NRBP1: variants seen among roughly 807,000 people sequenced by gnomAD.
The protein encoded by NRBP1 is nuclear receptor binding protein 1, also known as nuclear receptor-binding protein.
In NRBP1, 10 loss-of-function variants were observed where a neutral mutation model predicts 76.0. The ratio of observed to expected loss-of-function variants is 0.13; its 90% confidence interval spans 0.08 to 0.22. NRBP1 has a LOEUF of 0.22. Among genes scored for constraint, NRBP1 ranks in the 10% least tolerant of loss-of-function variants. The pLI is 1.00. For synonymous variants in NRBP1, 235 were observed against 240.2 expected (o/e 0.98, Z 0.20); for missense variants, 344 against 646.0 (o/e 0.53, Z 5.07).
intron 1 of NRBP1, among the ~76,000 whole-genome samples, chr2:27,432,237 G>A (rs2148445576): frequency 6.6e-6 from 1 of 152,344 alleles, no homozygotes; most frequent in African/African-American, 2.4e-5. Flanking sequence ...TGCCAAGAAG[G>A]AATGGAGCAC....
chr2:27,440,325 AC>A (rs1664486736), intron 11 of NRBP1, 77 bp from the exon 12 acceptor site: 1 of 991,260 alleles, frequency 1.0e-6, no homozygotes, highest in Non-Finnish European at 1.6e-6. Flanking sequence ...GGGATTCTTT[AC>A]CCCTTTGCCT....
At chr2:27,430,299 T>C (rs1664054076) in intron 1 of NRBP1, among the ~76,000 whole-genome samples, 1 of 152,144 alleles carries the variant, frequency 6.6e-6, no homozygotes. Context: ...TGAGTTGAGT[T>C]AAACGTAGTG....
Position 27,441,790 on chromosome 2 carries a change from C to A in NRBP1, c.1586C>A (p.Ala529Asp). The A allele has an allele frequency of 6.2e-7, 1 of 1,612,232 alleles. No individual in the cohort carries two copies. Among genetic ancestry groups the A allele is most frequent in the African/African-American group, 1.3e-5 (1 of 75,012 alleles). ...GCCAGGAACAGTACCCTCAACTCAG[C>A]CGCTGTCACCGTCTCCTCTTAGAGC... The part of the protein sequence containing the change: ...NFARNSTLNS[A>D]AVTVSS The change falls in exon 18 of 18, where the codon GCC (alanine) becomes GAC (aspartate). Residue 529 changes from alanine (A) to aspartate (D), a missense_variant. Ala to Asp is a moderately radical substitution (Grantham distance 126). Transcript: ENST00000379852.
At chr2:27,435,315 C>A in intron 7 of NRBP1, 88 bp downstream of exon 7, 2 of 1,123,648 alleles carry the variant, frequency 1.8e-6, no homozygotes, top group South Asian at 1.4e-5. Context: ...GATAACAGAG[C>A]AAAATTCTGA....
In NRBP1 at chr2:27,437,081, C is replaced by T. The variant is rs145038434; in HGVS notation, c.780C>T (p.Tyr260=). ...VTNVTTAVDI[Y]SFGMCALEMA... ...ATGTGACAACAGCAGTGGACATCTACTCCTTTGGCATGTGTGCACTGGAGG... is the reference window on the plus strand; with the variant it reads ...ATGTGACAACAGCAGTGGACATCTATTCCTTTGGCATGTGTGCACTGGAGG... Residue 260 remains tyrosine, a synonymous_variant, in exon 9 of 18, where the codon TAC becomes TAT. Transcript: ENST00000379852. 3.5e-5 allele frequency: 57 copies of T among 1,613,738 alleles called. No individual in the cohort carries two copies. The African/African-American group carries it at 6.5e-4, about 19-fold the overall frequency.
intron 10 of NRBP1, among the ~76,000 whole-genome samples, chr2:27,438,394 CAT>C (rs1398627528): frequency 3.9e-5 from 6 of 152,094 alleles, no homozygotes; most frequent in Non-Finnish European, 8.8e-5. Flanking sequence ...ATTTAAAAGA[CAT>C]AAGGTTATGA....
chr2:27,435,696 G>A (rs771218686), intron 7 of NRBP1: 14 of 717,438 alleles, frequency 2.0e-5, no homozygotes, highest in South Asian at 4.4e-5. Context: ...CCTCCCTCCC[G>A]CTTACGGGCT....
chr2:27,441,950 C>G lies in NRBP1; in HGVS notation c.*138C>G. 1.6e-6 allele frequency: 1 copy of G among 641,724 alleles called. No homozygotes were observed. The highest frequency in any genetic ancestry group is 2.8e-6 in the Non-Finnish European group (1 of 360,618). 39.8% of individuals were successfully genotyped at this position (641,724 alleles called of 1,614,324 possible). On this transcript the variant is annotated 3_prime_UTR_variant, in exon 18 of 18. Coordinates refer to ENST00000379852, the MANE Select transcript of NRBP1 (RefSeq NM_013392.4). ...ATTATTCAGGAGGGCTGGGGGGGCT[C>G]CCTGGTTCTGAGCATCATCCTTTCC...
chr2:27,430,389 G>A (rs1426804437), intron 1 of NRBP1, among the ~76,000 whole-genome samples: 5 of 151,746 alleles, frequency 3.3e-5, no homozygotes, highest in African/African-American at 4.8e-5. Context: ...AGATTGGTGT[G>A]TTGACTGGAG....
At chr2:27,436,722 G>T in intron 7 of NRBP1, 31 bp from the exon 8 acceptor site, 2 of 1,583,788 alleles carry the variant, frequency 1.3e-6, no homozygotes, top group Non-Finnish European at 1.7e-6. Flanking sequence ...ATTGATGATG[G>T]TCAGATTGTG....
intron 10 of NRBP1, among the ~76,000 whole-genome samples, chr2:27,438,423 T>C (rs543774312): frequency 3.2e-4 from 49 of 152,202 alleles, no homozygotes; most frequent in Non-Finnish European, 6.5e-4. Flanking sequence ...TGATAGACTA[T>C]AGTAAGCAGA....
intron 11 of NRBP1, 122 bp downstream of exon 11, chr2:27,440,020 T>C (rs1236273995): frequency 4.5e-6 from 3 of 662,478 alleles, no homozygotes; most frequent in Admixed American, 4.5e-5. Flanking sequence ...TTTTTTTTTT[T>C]TTTTTTTTTT....
rs929423472 is a variant in NRBP1 at position 27,434,509 on chromosome 2, G to C, written c.474G>C (p.Leu158=). 1.2e-5 allele frequency: 20 copies of C among 1,614,034 alleles called. No individual in the cohort carries two copies. Among genetic ancestry groups the C allele is most frequent in the Non-Finnish European group, 1.6e-5 (19 of 1,179,988 alleles). Reference sequence around the variant, plus strand: ...CAGAATACATGTCATCTGGGAGTCTGAAGCAATTTCTGAAGAAGACCAAAA... The same window carrying C: ...CAGAATACATGTCATCTGGGAGTCTCAAGCAATTTCTGAAGAAGACCAAAA... ...FITEYMSSGS[L]KQFLKKTKKN... is the part of the protein sequence containing the mutation. Residue 158 remains leucine, a synonymous_variant, in exon 5 of 18, where the codon CTG becomes CTC. Transcript: ENST00000379852.
At chr2:27,437,457 A>G in intron 10 of NRBP1, 97 bp downstream of exon 10, 1 of 863,312 alleles carries the variant, frequency 1.2e-6, no homozygotes, top group East Asian at 2.5e-5. Flanking sequence ...CCTAAGAGCT[A>G]GGGAACATAA....
chr2:27,428,520 C>T (rs1002923104), upstream of NRBP1: 3 of 395,446 alleles, frequency 7.6e-6, no homozygotes, highest in East Asian at 3.6e-5. Flanking sequence ...CCCCAGCGAA[C>T]GCCCGAGGGC....
At chr2:27,434,397 A>T (rs1664229758) in intron 4 of NRBP1, 74 bp from the exon 5 acceptor site, 3 of 1,118,476 alleles carry the variant, frequency 2.7e-6, no homozygotes, top group African/African-American at 1.6e-5. Context: ...CAAACCTTCA[A>T]ATTTAAAATA....
intron 1 of NRBP1, among the ~76,000 whole-genome samples, chr2:27,432,436 G>GGT (rs879316499): frequency 6.6e-6 from 1 of 152,116 alleles, no homozygotes; most frequent in Non-Finnish European, 1.5e-5. Context: ...AAACAAAGGT[G>GGT]GTGTGTGTTT....
At chr2:27,435,110 C>T (rs1664253811) in intron 6 of NRBP1, 23 bp from the exon 7 acceptor site, 2 of 1,589,208 alleles carry the variant, frequency 1.3e-6, no homozygotes, top group African/African-American at 2.7e-5. Flanking sequence ...AGTGGCCCCT[C>T]TAACAGCCCA....
intron 11 of NRBP1, 94 bp downstream of exon 11, chr2:27,439,992 A>ATTTTT: frequency 4.3e-6 from 1 of 234,430 alleles, no homozygotes; most frequent in South Asian, 5.3e-5. Flanking sequence ...TTCCAAAGGG[A>ATTTTT]TTCTTTTTTT....
Sources: allele counts gnomAD v4.1 joint callset (sites outside exome capture counted in the v4.1 genomes callset), GRCh38; gene constraint gnomAD v4.1.1; transcripts MANE v1.5; gene names NCBI Gene and HGNC (gene_info 2026-07-23, HGNC 2026-07-21).